Variants in SPTB observed in about 807,000 individuals in gnomAD.
SPTB encodes the protein spectrin beta, erythrocytic.
In SPTB, 45 loss-of-function variants were observed where a neutral mutation model predicts 256.2. The observed-to-expected ratio is 0.18, with a 90% CI of 0.14 to 0.23. SPTB has a LOEUF of 0.23. Among genes scored for constraint, SPTB ranks in the 10% least tolerant of loss-of-function variants. The pLI, the probability that SPTB is intolerant of heterozygous loss-of-function variation, is 1.00. For synonymous variants in SPTB, 1,231 were observed against 1,243.1 expected (o/e 0.99, Z 0.21); for missense variants, 2,715 against 3,040.4 (o/e 0.89, Z 2.52).
Position 64,852,937 on chromosome 14 carries a change from T to C in SPTB, c.-52+26855A>G, listed in dbSNP as rs1289002489. On this transcript the variant is annotated intron_variant, in intron 1 of 35. Coordinates refer to ENST00000644917, the MANE Select transcript of SPTB (RefSeq NM_001355436.2). This position sits in a 1 kb window ranked among gnomAD's most constrained non-coding sequence, Gnocchi z 4.2. ...ATTACAAATAATTATAATTTACACATTGCAGAGTGCTGCCGAGGAGACGTA... is the reference window on the plus strand; with the variant it reads ...ATTACAAATAATTATAATTTACACACTGCAGAGTGCTGCCGAGGAGACGTA... Among the ~76,000 whole-genome samples, 3 of 152,180 alleles carry C rather than the reference T, an allele frequency of 2.0e-5. No homozygotes were observed. The highest frequency in any genetic ancestry group is 7.2e-5 in the African/African-American group (3 of 41,412).
chr14:64,791,590 A>G, intron 15 of SPTB, 129 bp downstream of exon 15: 1 of 816,702 alleles, frequency 1.2e-6, no homozygotes, highest in East Asian at 2.8e-5. Flanking sequence ...AAAAAAAAAA[A>G]AGACAGGAAT....
chr14:64,838,048 A>G (rs919360063), intron 1 of SPTB, among the ~76,000 whole-genome samples: 2 of 152,262 alleles, frequency 1.3e-5, no homozygotes, highest in Non-Finnish European at 2.9e-5. Flanking sequence ...TCATCAAGAT[A>G]GAATAGTATG....
Position 64,772,609 on chromosome 14 carries a change from C to G in SPTB, c.5524G>C (p.Glu1842Gln), listed in dbSNP as rs1157307521. The part of the protein sequence containing the change: ...ESFHRVHTAF[E>Q]RELHLLGVQV... ...ACACCCAGCAGGTGGAGCTCCCGCT[C>G]GAAGGCTGTGTGCACCCGGTGGAAG... The change falls in exon 26 of 36, where the codon GAG becomes CAG. Residue 1842 changes from glutamate to glutamine, a missense_variant. Physicochemically the swap from Glu to Gln is conservative, Grantham distance 29. Around this residue, in one of 4 missense-constraint regions of SPTB, gnomAD observed 2,239 missense variants for 2,384.4 expected, o/e 0.94. Transcript: ENST00000644917. The surrounding 1 kb of genome is among the most constrained non-coding windows in gnomAD (Gnocchi z 5.4). 1.2e-6 allele frequency: 2 copies of G among 1,611,072 alleles called. No individual in the cohort carries two copies. The highest frequency in any genetic ancestry group is 1.7e-6 in the Non-Finnish European group (2 of 1,179,922).
In SPTB at chr14:64,787,905, C is replaced by T. The variant is rs2082602248; in HGVS notation, c.2805-745G>A. ...GGGACACTGCCCTTGGGCCTAGGTT[C>T]ACTCATTCTGCATCACTGTAATATG... On this transcript the variant is annotated intron_variant, in intron 15 of 35. Transcript: ENST00000644917. 4.6e-5 allele frequency among the ~76,000 whole-genome samples: 7 copies of T among 152,342 alleles called. No individual in the cohort carries two copies. In the South Asian group the frequency reaches 1.2e-3, roughly 27 times the overall value.
chr14:64,854,098 A>G (rs1263124257), intron 1 of SPTB, among the ~76,000 whole-genome samples: 1 of 149,620 alleles, frequency 6.7e-6, no homozygotes, highest in Admixed American at 6.7e-5. Flanking sequence ...AGGCTGAGGC[A>G]GAAGAATCAC....
chr14:64,837,843 C>T (rs968332616), intron 1 of SPTB, among the ~76,000 whole-genome samples: 3 of 152,278 alleles, frequency 2.0e-5, no homozygotes, highest in Admixed American at 1.3e-4. Flanking sequence ...TCTGGATCAC[C>T]TCTGGTGATC....
chr14:64,749,410 C>G lies in SPTB; in HGVS notation c.6883G>C (p.Val2295Leu), dbSNP rs757030824. The change falls in exon 36 of 36, where the codon GTC becomes CTC. Residue 2295 changes from valine to leucine, a missense_variant. By Grantham distance (32) the Val-to-Leu change is conservative. Coordinates refer to ENST00000644917, the MANE Select transcript of SPTB (RefSeq NM_001355436.2). The surrounding 1 kb of genome is among the most constrained non-coding windows in gnomAD (Gnocchi z 4.7). ...GGCAGGGGCAGGCTCTGCGCCTTGA[C>G]GCGGATGCTCTGGGACTCGTTGATG... is the stretch of plus-strand genomic sequence containing the variant. ...TAINESQSIR[V>L]KAQSLPLPSL... The G allele has an allele frequency of 3.7e-6, 6 of 1,607,664 alleles. No homozygotes were observed. The highest frequency in any genetic ancestry group is 1.7e-5 in the Admixed American group (1 of 59,966).
intron 2 of SPTB, among the ~76,000 whole-genome samples, chr14:64,817,316 G>C (rs2083210192): frequency 6.6e-6 from 1 of 152,224 alleles, no homozygotes; most frequent in South Asian, 2.1e-4. Flanking sequence ...CCCAGAGAAA[G>C]CTGCTGATCC....
At chr14:64,750,323 CTAT>C (rs768213505) in intron 33 of SPTB, 169 bp from the exon 34 acceptor site, 25 of 763,274 alleles carry the variant, frequency 3.3e-5, no homozygotes, top group East Asian at 8.5e-5. Flanking sequence ...AAAAAATTAG[CTAT>C]TATTAACATT....
intron 1 of SPTB, among the ~76,000 whole-genome samples, chr14:64,877,675 C>T (rs1015645098): frequency 3.3e-5 from 5 of 152,192 alleles, no homozygotes; most frequent in Non-Finnish European, 7.4e-5. Flanking sequence ...CTGGGTACAA[C>T]AACATAAAAG....
intron 1 of SPTB, among the ~76,000 whole-genome samples, chr14:64,846,518 A>T (rs2083695267): frequency 1.3e-5 from 2 of 152,248 alleles, no homozygotes; most frequent in African/African-American, 4.8e-5. Flanking sequence ...CCTGGATGAC[A>T]GCATGAGGCA....
intron 1 of SPTB, among the ~76,000 whole-genome samples, chr14:64,872,571 G>A (rs769122048): frequency 6.6e-6 from 1 of 152,208 alleles, no homozygotes; most frequent in Non-Finnish European, 1.5e-5. Flanking sequence ...CCAGCACTGT[G>A]GTTAGCTCTC....
chr14:64,857,961 A>G (rs949675274), intron 1 of SPTB, among the ~76,000 whole-genome samples: 2 of 152,236 alleles, frequency 1.3e-5, no homozygotes, highest in Non-Finnish European at 2.9e-5. Context: ...TGTGCCAGGC[A>G]TCTGACACAC....
chr14:64,793,509 T>C lies in SPTB; in HGVS notation c.2154A>G (p.Ile718Met). ...QFGHPQIEAR[I>M]KEVSAQWDQL... ...GGTCCCACTGTGCCGACACCTCCTT[T>C]ATGCGGGCCTCGATCTGCGGGTGCC... Residue 718 changes from isoleucine (I) to methionine (M), a missense_variant, in exon 14 of 36, where the codon ATA becomes ATG. This residue lies in a region of SPTB where 2,239 missense variants were observed against 2,384.4 expected (regional missense o/e 0.94). Transcript: ENST00000644917. This position sits in a 1 kb window ranked among gnomAD's most constrained non-coding sequence, Gnocchi z 7.0. The C allele has an allele frequency of 1.9e-6, 3 of 1,613,864 alleles. No individual in the cohort carries two copies. The highest frequency in any genetic ancestry group is 2.2e-5 in the East Asian group (1 of 44,866).
At position 64,753,704 on chromosome 14, in the gene SPTB, C is replaced by G; in HGVS notation, c.6435G>C (p.Glu2145Asp). The change falls in exon 33 of 36, where the codon GAG becomes GAC. Residue 2145 changes from glutamate to aspartate, a missense_variant. Physicochemically the swap from Glu to Asp is conservative, Grantham distance 45 (BLOSUM62 2). Coordinates refer to ENST00000644917, the MANE Select transcript of SPTB (RefSeq NM_001355436.2). ...HKDGQKSTGD[E>D]RPTTEPLFKV... is the part of the protein sequence containing the mutation. Reference sequence around the variant, plus strand: ...TAAAGAGGGGCTCCGTGGTGGGCCTCTCATCCCCAGTGGATTTCTGCCCAT... The same window carrying G: ...TAAAGAGGGGCTCCGTGGTGGGCCTGTCATCCCCAGTGGATTTCTGCCCAT... The G allele has an allele frequency of 6.2e-7, 1 of 1,613,764 alleles. No homozygotes were observed. Among genetic ancestry groups the G allele is most frequent in the East Asian group, 2.2e-5 (1 of 44,872 alleles).
intron 32 of SPTB, among the ~76,000 whole-genome samples, chr14:64,762,199 T>C (rs2082105420): frequency 6.6e-6 from 1 of 152,184 alleles, no homozygotes; most frequent in Non-Finnish European, 1.5e-5. Flanking sequence ...TGGGGAAAAC[T>C]GATGTTGTTT....
intron 1 of SPTB, among the ~76,000 whole-genome samples, chr14:64,863,553 G>A (rs1271368298): frequency 1.3e-5 from 2 of 152,094 alleles, no homozygotes; most frequent in African/African-American, 2.4e-5. Context: ...TGTTTTCCAC[G>A]CAGCCTAGCA....
intron 2 of SPTB, among the ~76,000 whole-genome samples, chr14:64,818,639 T>C (rs229667): frequency 0.36 from 54,964 of 151,966 alleles, 12,323 homozygotes; most frequent in African/African-American, 0.63. Context: ...AGACAGAGGA[T>C]GGGCATTCTG....
intron 29 of SPTB, 34 bp downstream of exon 29, chr14:64,769,000 T>C (rs1330794211): frequency 6.3e-7 from 1 of 1,579,188 alleles, no homozygotes; most frequent in Non-Finnish European, 8.7e-7. Flanking sequence ...GGGGTACTCC[T>C]GCCCCTGGGC....
Sources: allele counts gnomAD v4.1 joint callset (sites outside exome capture counted in the v4.1 genomes callset), GRCh38; gene constraint gnomAD v4.1.1; regional missense constraint gnomAD v4.1.1; non-coding constraint Gnocchi (gnomAD v3.1); transcripts MANE v1.5; gene names NCBI Gene and HGNC (gene_info 2026-07-23, HGNC 2026-07-21).